SP3: variants seen among roughly 807,000 people sequenced by gnomAD.
The protein encoded by SP3 is transcription factor Sp3.
Under a neutral mutation model 70.3 loss-of-function variants are expected in SP3, and 10 were observed. The ratio of observed to expected loss-of-function variants is 0.14; its 90% confidence interval spans 0.09 to 0.24. The LOEUF is 0.24. SP3 is among the 10% of genes least tolerant of loss of function. The pLI, the probability that SP3 is intolerant of heterozygous loss-of-function variation, is 1.00. For missense variants in SP3, 825 were observed against 914.6 expected, an observed-to-expected ratio of 0.90 and a Z score of 1.26; for synonymous variants, 402 against 333.5, an observed-to-expected ratio of 1.21 and a Z score of -2.24.
Position 173,918,904 on chromosome 2 carries a change from A to C in SP3, c.1640-119T>G, listed in dbSNP as rs1247397749. The C allele has an allele frequency of 6.2e-6, 5 of 812,758 alleles. No homozygotes were observed. In the African/African-American group the frequency reaches 8.7e-5, roughly 14 times the overall value. 50.3% of individuals were successfully genotyped at this position (812,758 alleles called of 1,614,324 possible). On this transcript the variant is annotated intron_variant, in intron 4 of 6. Transcript: ENST00000310015. Reference sequence around the variant, plus strand: ...TTTGCATGCACTACTTCTCTTGCCTAGACTGTTTTCCAGTTATTTTGTTCC... The same window carrying C: ...TTTGCATGCACTACTTCTCTTGCCTCGACTGTTTTCCAGTTATTTTGTTCC...
intron 4 of SP3, 77 bp from the exon 5 acceptor site, chr2:173,918,862 T>A (rs905223233): frequency 1.6e-6 from 2 of 1,284,424 alleles, no homozygotes; most frequent in Non-Finnish European, 2.1e-6. Context: ...TTACATGTCT[T>A]CTCCCAATGT....
At chr2:173,915,643 A>T (rs941177820) in intron 5 of SP3, 1 of 152,118 alleles carries the variant, frequency 6.6e-6, no homozygotes, top group Non-Finnish European at 1.5e-5. Context: ...CAGGACATAA[A>T]CTGAAATGCT....
rs1215302393 is a variant in SP3, at chr2:173,902,072, A to ATAGT, written c.*7868_*7869insACTA. On this transcript the variant is annotated 3_prime_UTR_variant, in exon 7 of 7. Coordinates refer to ENST00000310015, the MANE Select transcript of SP3 (RefSeq NM_003111.5). ...AGTGAGAGACTATGAGGACTACCAC[A>ATAGT]CCTGGGCAGGGCTTGACTGAGAGAT... is the stretch of plus-strand genomic sequence containing the variant. 6.6e-6 allele frequency among the ~76,000 whole-genome samples: 1 copy of ATAGT among 152,166 alleles called. No individual in the cohort carries two copies. The highest frequency in any genetic ancestry group is 2.4e-5 in the African/African-American group (1 of 41,436).
chr2:173,917,922 C>A (rs1689652744), intron 5 of SP3, among the ~76,000 whole-genome samples: 1 of 151,238 alleles, frequency 6.6e-6, no homozygotes, highest in Non-Finnish European at 1.5e-5. Flanking sequence ...TTTTTCCATC[C>A]CTCATCTTCA....
At chr2:173,938,725 G>A (rs1052558052) in intron 4 of SP3, among the ~76,000 whole-genome samples, 1 of 152,068 alleles carries the variant, frequency 6.6e-6, no homozygotes, top group Non-Finnish European at 1.5e-5. Context: ...GGAAGGCTGC[G>A]GGATAAGGCA....
intron 3 of SP3, among the ~76,000 whole-genome samples, chr2:173,961,935 G>GTTTTTTGTTTTTTT (rs1691094554): frequency 1.2e-5 from 1 of 81,008 alleles, no homozygotes; most frequent in African/African-American, 5.4e-5. Flanking sequence ...TATGGTTTGG[G>GTTTTTTGTTTTTTT]TTTTTTTTTT....
chr2:173,917,686 G>C (rs973645347), intron 5 of SP3, among the ~76,000 whole-genome samples: 4 of 151,946 alleles, frequency 2.6e-5, no homozygotes, highest in Non-Finnish European at 5.9e-5. Context: ...CATGACAAGG[G>C]ATTTGGTTAA....
chr2:173,931,175 C>T (rs181181429), intron 4 of SP3, among the ~76,000 whole-genome samples: 9 of 152,264 alleles, frequency 5.9e-5, no homozygotes, highest in African/African-American at 9.6e-5. Flanking sequence ...TTCAGTAAAT[C>T]GTAATCTTTT....
At chr2:173,945,076 A>G (rs1199507329) in intron 4 of SP3, among the ~76,000 whole-genome samples, 2 of 152,236 alleles carry the variant, frequency 1.3e-5, no homozygotes, top group Non-Finnish European at 2.9e-5. Flanking sequence ...TGGTTATAAT[A>G]TTTACTAATG....
In SP3 at chr2:173,905,553, T is replaced by C. The variant is rs539688282; in HGVS notation, c.*4388A>G. On this transcript the variant is annotated 3_prime_UTR_variant, in exon 7 of 7. Coordinates refer to ENST00000310015, the MANE Select transcript of SP3 (RefSeq NM_003111.5). Reference sequence around the variant, plus strand: ...ATCATTCTTAACATCAAAAACTGTATCTTAAACGTATTTAATACAATGAAG... The same window carrying C: ...ATCATTCTTAACATCAAAAACTGTACCTTAAACGTATTTAATACAATGAAG... Among the ~76,000 whole-genome samples the C allele has an allele frequency of 2.0e-5, 3 of 152,260 alleles. No homozygotes were observed. The highest frequency in any genetic ancestry group is 4.4e-5 in the Non-Finnish European group (3 of 68,028).
chr2:173,959,125 A>G (rs1690981532), intron 3 of SP3, among the ~76,000 whole-genome samples: 1 of 152,164 alleles, frequency 6.6e-6, no homozygotes, highest in Non-Finnish European at 1.5e-5. Context: ...ACAAATTTTG[A>G]GGTATTAAGA....
intron 4 of SP3, among the ~76,000 whole-genome samples, chr2:173,949,098 T>C (rs142706650): frequency 1.1e-4 from 17 of 152,274 alleles, no homozygotes; most frequent in African/African-American, 3.8e-4. Context: ...CAGATCATAG[T>C]CATCACATTT....
chr2:173,922,897 T>C (rs969034134), intron 4 of SP3, among the ~76,000 whole-genome samples: 3 of 147,322 alleles, frequency 2.0e-5, no homozygotes, highest in Non-Finnish European at 4.4e-5. Flanking sequence ...AAAGCAAGCA[T>C]TATAAAATTG....
chr2:173,952,581 T>C (rs933463597), intron 4 of SP3, among the ~76,000 whole-genome samples: 1 of 152,080 alleles, frequency 6.6e-6, no homozygotes, highest in African/African-American at 2.4e-5. Context: ...AAAGAAAACA[T>C]TTCCACACAA....
chr2:173,937,262 C>T (rs1690236098), intron 4 of SP3, among the ~76,000 whole-genome samples: 1 of 152,180 alleles, frequency 6.6e-6, no homozygotes, highest in Non-Finnish European at 1.5e-5. Context: ...ATCTGACTTT[C>T]CCCTTCATAT....
chr2:173,946,638 G>A (rs1690547239), intron 4 of SP3, among the ~76,000 whole-genome samples: 1 of 151,768 alleles, frequency 6.6e-6, no homozygotes, highest in African/African-American at 2.4e-5. Context: ...ACTGAATTCT[G>A]GGCTGCTGGT....
At chr2:173,948,012 G>A (rs1447022914) in intron 4 of SP3, among the ~76,000 whole-genome samples, 1 of 152,068 alleles carries the variant, frequency 6.6e-6, no homozygotes, top group African/African-American at 2.4e-5. Context: ...CTTCATTTAA[G>A]TCATACCTCA....
chr2:173,909,863 A>G lies in SP3; in HGVS notation c.*78T>C. ...AAAATTTTTGCACATCAATAAAAAG[A>G]TATCTAAGAACTTAGGAACAATATT... On this transcript the variant is annotated 3_prime_UTR_variant, in exon 7 of 7. Transcript: ENST00000310015. 5 of 1,433,854 alleles carry G rather than the reference A, an allele frequency of 3.5e-6. No homozygotes were observed. In the South Asian group the frequency reaches 5.3e-5, roughly 15 times the overall value. 88.8% of individuals were successfully genotyped at this position (1,433,854 alleles called of 1,614,324 possible).
chr2:173,947,663 T>G (rs1690585537), intron 4 of SP3, among the ~76,000 whole-genome samples: 1 of 152,248 alleles, frequency 6.6e-6, no homozygotes, highest in Non-Finnish European at 1.5e-5. Flanking sequence ...TTCAACAGAA[T>G]GTTTTGTTTT....
Sources: gnomAD v4.1 joint callset for allele counts (sites outside exome capture counted in the v4.1 genomes callset) on GRCh38, gnomAD v4.1.1 for gene constraint, MANE v1.5 for transcripts, NCBI Gene and HGNC (gene_info 2026-07-23, HGNC 2026-07-21) for gene names.